Variants in PPARGC1A observed in about 807,000 individuals in gnomAD.
The protein encoded by PPARGC1A is peroxisome proliferator-activated receptor gamma coactivator 1-alpha.
In PPARGC1A, 25 loss-of-function variants were observed where a neutral mutation model predicts 88.7. The ratio of observed to expected loss-of-function variants is 0.28; its 90% confidence interval spans 0.21 to 0.39. The LOEUF is 0.39. PPARGC1A is among the 10% of genes least tolerant of loss of function. The pLI is 1.00. For synonymous variants in PPARGC1A, 363 were observed against 355.6 expected, an observed-to-expected ratio of 1.02 and a Z score of -0.24; for missense variants, 880 against 968.7, an observed-to-expected ratio of 0.91 and a Z score of 1.22.
At chr4:23,815,761 C>T (rs993013809) in intron 7 of PPARGC1A, among the ~76,000 whole-genome samples, 1 of 152,096 alleles carries the variant, frequency 6.6e-6, no homozygotes, top group Non-Finnish European at 1.5e-5. Context: ...TACAATGGAG[C>T]ATTTTAGTTT....
the PPARGC1A span, among the ~76,000 whole-genome samples, chr4:24,191,737 G>A: frequency 6.6e-6 from 1 of 152,226 alleles, no homozygotes; most frequent in Non-Finnish European, 1.5e-5. Flanking sequence ...ATTAGGATGG[G>A]TGTGGGTGGC....
chr4:24,291,469 C>CT, the PPARGC1A span, among the ~76,000 whole-genome samples: 107,323 of 152,038 alleles, frequency 0.71, 38,905 homozygotes, highest in African/African-American at 0.87. Context: ...TCACTGGGCT[C>CT]TGTTCTCTGC....
At chr4:24,277,098 TTTTG>T in the PPARGC1A span, among the ~76,000 whole-genome samples, 12 of 152,240 alleles carry the variant, frequency 7.9e-5, no homozygotes, top group South Asian at 2.5e-3. Flanking sequence ...GGGTTTTGCT[TTTTG>T]TTTGTTTTGA....
At chr4:24,469,260 G>A in the PPARGC1A span, among the ~76,000 whole-genome samples, 1 of 152,174 alleles carries the variant, frequency 6.6e-6, no homozygotes, top group South Asian at 2.1e-4. Context: ...GGAACAGTTA[G>A]GAGCAGGTTT....
the PPARGC1A span, among the ~76,000 whole-genome samples, chr4:24,248,679 C>G: frequency 8.5e-5 from 13 of 152,256 alleles, no homozygotes; most frequent in Admixed American, 8.5e-4. Context: ...ATTTCTTCAT[C>G]TGGAAAATGA....
chr4:24,387,880 A>AAGAAAGAAAG, the PPARGC1A span, among the ~76,000 whole-genome samples: 1 of 119,944 alleles, frequency 8.3e-6, no homozygotes, highest in African/African-American at 3.7e-5. Flanking sequence ...AAGAAAGAGA[A>AAGAAAGAAAG]AGAAAGAAAG....
At chr4:23,868,444 T>C (rs1303117756) in intron 2 of PPARGC1A, among the ~76,000 whole-genome samples, 1 of 152,192 alleles carries the variant, frequency 6.6e-6, no homozygotes, top group Non-Finnish European at 1.5e-5. Context: ...ATTCTCTCTC[T>C]CTTTCTGAAT....
chr4:24,448,942 C>A, the PPARGC1A span, among the ~76,000 whole-genome samples: 1 of 152,226 alleles, frequency 6.6e-6, no homozygotes. Flanking sequence ...CTCAGAATCA[C>A]ATAGAACACA....
the PPARGC1A span, among the ~76,000 whole-genome samples, chr4:24,194,807 G>A: frequency 1.3e-5 from 2 of 152,154 alleles, no homozygotes; most frequent in African/African-American, 4.8e-5. Flanking sequence ...GACAAGGGAT[G>A]CTATTTCCAC....
the PPARGC1A span, among the ~76,000 whole-genome samples, chr4:24,314,368 GT>G: frequency 6.6e-6 from 1 of 152,204 alleles, no homozygotes; most frequent in South Asian, 2.1e-4. Context: ...GTGAATTAGT[GT>G]TTTATAAAAG....
chr4:24,193,508 A>G, the PPARGC1A span, among the ~76,000 whole-genome samples: 1 of 152,076 alleles, frequency 6.6e-6, no homozygotes, highest in African/African-American at 2.4e-5. Flanking sequence ...ACCCTTCCTA[A>G]TTGCAAGCTA....
chr4:24,240,824 T>TCTA, the PPARGC1A span, among the ~76,000 whole-genome samples: 1 of 151,980 alleles, frequency 6.6e-6, no homozygotes, highest in East Asian at 1.9e-4. Context: ...AGAGCCAGGG[T>TCTA]CTAAGTTGGG....
chr4:23,811,865 A>G lies in PPARGC1A; in HGVS notation c.2019+882T>C, dbSNP rs368277655. 2.1e-5 allele frequency among the ~76,000 whole-genome samples: 3 copies of G among 141,282 alleles called. No homozygotes were observed. In the South Asian group the frequency reaches 7.1e-4, roughly 34 times the overall value. The allele number at this position is 141,282 out of a possible 152,430, so 92.7% of individuals were successfully genotyped here. On this transcript the variant is annotated intron_variant, in intron 10 of 12. Transcript: ENST00000264867. ...GGTGTGTCAATTACCCAGTTAGATG[A>G]CGACCATCACGCAGAAGAAATGACT... is the stretch of plus-strand genomic sequence containing the variant.
the PPARGC1A span, among the ~76,000 whole-genome samples, chr4:24,004,833 T>C: frequency 6.6e-6 from 1 of 152,194 alleles, no homozygotes; most frequent in African/African-American, 2.4e-5. Context: ...CTCCTTGCTA[T>C]TTGAGTGACT....
At chr4:24,233,585 TACACACACACAC>T in the PPARGC1A span, among the ~76,000 whole-genome samples, 43,475 of 149,042 alleles carry the variant, frequency 0.29, 6,399 homozygotes, top group East Asian at 0.43. Flanking sequence ...CACAAACACA[TACACACACACAC>T]ACACACACAC....
At chr4:24,372,834 A>G in the PPARGC1A span, among the ~76,000 whole-genome samples, 2 of 152,236 alleles carry the variant, frequency 1.3e-5, no homozygotes, top group Admixed American at 6.5e-5. Flanking sequence ...TATACAAAGT[A>G]CAAATGCTGA....
the PPARGC1A span, among the ~76,000 whole-genome samples, chr4:24,121,662 G>A: frequency 6.6e-6 from 1 of 152,110 alleles, no homozygotes; most frequent in African/African-American, 2.4e-5. Context: ...CCCATACACA[G>A]CTATATATTT....
Position 23,795,324 on chromosome 4 carries a change from TATA to T in PPARGC1A, c.*495_*497del, listed in dbSNP as rs1560303993. On this transcript the variant is annotated 3_prime_UTR_variant, in exon 13 of 13. Transcript: ENST00000264867. ...ATATATATATATATATATATATATA[TATA>T]TATTTCCTTTTGAATAGAATACGAA... The T allele has an allele frequency of 5.6e-4, 10 of 17,940 alleles. No individual in the cohort carries two copies. The highest frequency in any genetic ancestry group is 2.1e-3 in the East Asian group (1 of 484). 1.1% of individuals were successfully genotyped at this position (17,940 alleles called of 1,614,324 possible).
chr4:23,885,295 T>C (rs552956302), intron 1 of PPARGC1A, among the ~76,000 whole-genome samples: 3 of 152,334 alleles, frequency 2.0e-5, no homozygotes, highest in South Asian at 2.1e-4. Flanking sequence ...AACTGTCTTA[T>C]AGTTAACCAT....
Sources: allele counts gnomAD v4.1 joint callset (sites outside exome capture counted in the v4.1 genomes callset), GRCh38; gene constraint gnomAD v4.1.1; transcripts MANE v1.5; gene names NCBI Gene and HGNC (gene_info 2026-07-23, HGNC 2026-07-21).